Variants in NCKAP5 observed in about 807,000 individuals in gnomAD.
NCKAP5 encodes the protein nck-associated protein 5.
In NCKAP5, 92 loss-of-function variants were observed where a neutral mutation model predicts 167.0. That is an observed-to-expected ratio of 0.55 (90% confidence interval 0.47 to 0.66). NCKAP5 has a LOEUF of 0.66. Ranked by LOEUF, NCKAP5 falls within the 30% of genes least tolerant of loss-of-function variation. NCKAP5 has a pLI of 0.00. For missense variants in NCKAP5, 2,378 were observed against 2,315.0 expected (o/e 1.03, Z -0.56); for synonymous variants, 891 against 877.4 (o/e 1.02, Z -0.27).
rs1683071368 is a variant in NCKAP5, at chr2:132,781,985, A to G, written c.4826T>C (p.Val1609Ala). The G allele has an allele frequency of 1.9e-6, 3 of 1,613,630 alleles. No individual in the cohort carries two copies. Among genetic ancestry groups the G allele is most frequent in the Non-Finnish European group, 2.5e-6 (3 of 1,179,844 alleles). ...GAAGGTGTCTTTCGTTGAACATGCAACAGGGCTGTGTCTATTCCTTGGTTC... is the reference window on the plus strand; with the variant it reads ...GAAGGTGTCTTTCGTTGAACATGCAGCAGGGCTGTGTCTATTCCTTGGTTC... ...KIEPRNRHSP[V>A]ACSTKDTFMT... Residue 1609 changes from valine to alanine, a missense_variant, in exon 14 of 20, where the codon GTT (valine) becomes GCT (alanine). Val to Ala is a moderately conservative substitution (Grantham distance 64, BLOSUM62 0). Transcript: ENST00000409261.
intron 5 of NCKAP5, among the ~76,000 whole-genome samples, chr2:133,146,674 T>C (rs1297163243): frequency 6.6e-6 from 1 of 152,066 alleles, no homozygotes; most frequent in African/African-American, 2.4e-5. Context: ...TATATAACTC[T>C]CCCTCCAATA....
At chr2:133,588,347 T>A in the NCKAP5 span, among the ~76,000 whole-genome samples, 1 of 117,594 alleles carries the variant, frequency 8.5e-6, no homozygotes, top group Non-Finnish European at 1.7e-5. Context: ...CCTTCTTCCC[T>A]TCCTTCCTCC....
intron 5 of NCKAP5, among the ~76,000 whole-genome samples, chr2:133,161,021 G>A (rs896818342): frequency 6.6e-6 from 1 of 152,192 alleles, no homozygotes; most frequent in Non-Finnish European, 1.5e-5. Context: ...CCAGCCAAGA[G>A]CAAGCATTGC....
chr2:132,955,517 A>G (rs1208562081), intron 8 of NCKAP5, among the ~76,000 whole-genome samples: 3 of 152,192 alleles, frequency 2.0e-5, no homozygotes, highest in African/African-American at 7.2e-5. Flanking sequence ...ATAGTATTCT[A>G]TGGTGTATAT....
chr2:132,711,482 A>T (rs908714837), intron 19 of NCKAP5, among the ~76,000 whole-genome samples: 2 of 152,222 alleles, frequency 1.3e-5, no homozygotes, highest in Non-Finnish European at 2.9e-5. Flanking sequence ...AGGCTCAGTG[A>T]TCCAACATTA....
chr2:133,548,739 G>A (rs1036187847), intron 2 of NCKAP5, among the ~76,000 whole-genome samples: 8 of 152,018 alleles, frequency 5.3e-5, no homozygotes, highest in Admixed American at 2.0e-4. Context: ...CGCTAAACAT[G>A]GAAAGGAAAA....
intron 3 of NCKAP5, among the ~76,000 whole-genome samples, chr2:133,341,518 C>G (rs1488469533): frequency 2.0e-5 from 3 of 152,188 alleles, no homozygotes; most frequent in African/African-American, 4.8e-5. Context: ...AATTATTACT[C>G]TACTGTACAT....
intron 3 of NCKAP5, among the ~76,000 whole-genome samples, chr2:133,419,381 A>C (rs937051267): frequency 6.6e-6 from 1 of 152,206 alleles, no homozygotes; most frequent in Non-Finnish European, 1.5e-5. Flanking sequence ...TAATGGGGTA[A>C]ATATGGTTCA....
chr2:133,002,367 T>C (rs2077815733), intron 6 of NCKAP5, among the ~76,000 whole-genome samples: 1 of 152,196 alleles, frequency 6.6e-6, no homozygotes, highest in Non-Finnish European at 1.5e-5. Flanking sequence ...TAACAACTAA[T>C]AATCAAATAG....
At chr2:132,728,038 C>G (rs1574009119) in intron 18 of NCKAP5, among the ~76,000 whole-genome samples, 1 of 152,144 alleles carries the variant, frequency 6.6e-6, no homozygotes, top group African/African-American at 2.4e-5. Flanking sequence ...GTGGGAAGGG[C>G]CAAGGAGGGG....
the NCKAP5 span, among the ~76,000 whole-genome samples, chr2:133,618,467 A>T: frequency 6.7e-6 from 1 of 149,874 alleles, no homozygotes; most frequent in Non-Finnish European, 1.5e-5. Flanking sequence ...AGAAAAAAAC[A>T]AACAACCCCA....
intron 8 of NCKAP5, among the ~76,000 whole-genome samples, chr2:132,920,685 G>T (rs1695261804): frequency 1.1e-5 from 1 of 90,622 alleles, no homozygotes; most frequent in Non-Finnish European, 1.8e-5. Flanking sequence ...ATATAAGTTA[G>T]TTTATATATA....
chr2:133,240,584 A>G (rs1391273429), intron 4 of NCKAP5, among the ~76,000 whole-genome samples: 1 of 152,188 alleles, frequency 6.6e-6, no homozygotes, highest in Non-Finnish European at 1.5e-5. Flanking sequence ...ATTATTCACT[A>G]ATTTCATGTG....
chr2:133,594,520 T>C, the NCKAP5 span, among the ~76,000 whole-genome samples: 325 of 152,246 alleles, frequency 2.1e-3, 1 homozygote, highest in African/African-American at 7.4e-3. Context: ...ACTAAGTAGG[T>C]ATGCAACACT....
At chr2:133,198,453 G>C (rs2085534164) in intron 5 of NCKAP5, among the ~76,000 whole-genome samples, 1 of 152,070 alleles carries the variant, frequency 6.6e-6, no homozygotes, top group Non-Finnish European at 1.5e-5. Flanking sequence ...TTTCTCTTTA[G>C]AAATCATGGA....
intron 5 of NCKAP5, among the ~76,000 whole-genome samples, chr2:133,173,755 TTTTC>T (rs1426916113): frequency 5.9e-5 from 9 of 152,182 alleles, no homozygotes; most frequent in African/African-American, 2.2e-4. Flanking sequence ...TAGCTCTGGC[TTTTC>T]TTTGACAATA....
rs187164322 is a variant in NCKAP5 at position 133,277,189 on chromosome 2, T to A, written c.143+25848A>T. Among the ~76,000 whole-genome samples, 542 of 152,188 alleles carry A rather than the reference T, an allele frequency of 3.6e-3. 1 individual carries two copies. Among genetic ancestry groups the A allele is most frequent in the African/African-American group, 0.013 (522 of 41,526 alleles). The stretch of plus-strand genomic sequence containing the variant: ...CATTTTATTGGATTCAATGCAATTA[T>A]GCAAGATAAATCAAATGGAGGCATA... On this transcript the variant is annotated intron_variant, in intron 4 of 19. Transcript: ENST00000409261.
intron 8 of NCKAP5, among the ~76,000 whole-genome samples, chr2:132,922,301 T>C (rs1695499188): frequency 6.6e-6 from 1 of 152,178 alleles, no homozygotes; most frequent in Non-Finnish European, 1.5e-5. Context: ...CAAAGTTCTA[T>C]GTGACCAGAG....
At chr2:132,725,848 T>C in intron 18 of NCKAP5, 89 bp from the exon 19 acceptor site, 1 of 1,315,254 alleles carries the variant, frequency 7.6e-7, no homozygotes, top group South Asian at 1.3e-5. Flanking sequence ...AGTTCACATC[T>C]GGCTGTCAAT....
Sources: gnomAD v4.1 joint callset for allele counts (sites outside exome capture counted in the v4.1 genomes callset) on GRCh38, gnomAD v4.1.1 for gene constraint, MANE v1.5 for transcripts, NCBI Gene and HGNC (gene_info 2026-07-23, HGNC 2026-07-21) for gene names.